The following ADGRB2 variants were observed in gnomAD, a reference collection of about 807,000 sequenced individuals.
ADGRB2 encodes brain-specific angiogenesis inhibitor 2.
In ADGRB2, 47 loss-of-function variants were observed where a neutral mutation model predicts 178.7. The observed-to-expected ratio is 0.26, with a 90% CI of 0.21 to 0.34. ADGRB2 has a LOEUF of 0.34. Ranked by LOEUF, ADGRB2 falls within the 10% of genes least tolerant of loss-of-function variation. The pLI is 1.00. For synonymous variants in ADGRB2, 870 were observed against 912.4 expected, an observed-to-expected ratio of 0.95 and a Z score of 0.84; for missense variants, 1,584 against 2,180.8, an observed-to-expected ratio of 0.73 and a Z score of 5.45.
In ADGRB2 at chr1:31,732,976, C is replaced by T. The variant is rs148580797; in HGVS notation, c.3620G>A (p.Arg1207Gln). 5.4e-5 allele frequency: 84 copies of T among 1,553,330 alleles called. No homozygotes were observed. The highest frequency in any genetic ancestry group is 6.3e-5 in the Non-Finnish European group (72 of 1,148,614). Residue 1207 changes from arginine to glutamine, a missense_variant, in exon 26 of 33, where the codon CGA becomes CAA. Arg to Gln is a conservative substitution (Grantham distance 43, BLOSUM62 1). This residue lies in a region of ADGRB2 where 865 missense variants were observed against 1,192.8 expected (regional missense o/e 0.73). Transcript: ENST00000373658. ...VITAVHCFLR[R>Q]EVQDVVKCQM... ...GCGGGAGAGGCCCAGCCCCACCTCT[C>T]GGCGCAGGAAGCAGTGCACAGCAGT...
intron 4 of ADGRB2, among the ~76,000 whole-genome samples, chr1:31,751,862 G>A (rs189928829): frequency 1.3e-5 from 2 of 152,088 alleles, no homozygotes; most frequent in East Asian, 1.9e-4. Flanking sequence ...GGTCACAGTC[G>A]TACCTATTAC....
In ADGRB2 at chr1:31,759,261, A is replaced by G. The variant is rs1646968279; in HGVS notation, c.-190-1750T>C. 1 of 778,236 alleles carries G rather than the reference A, an allele frequency of 1.3e-6. No individual in the cohort carries two copies. The highest frequency in any genetic ancestry group is 2.4e-6 in the Non-Finnish European group (1 of 417,026). The allele number at this position is 778,236 out of a possible 1,614,324, so 48.2% of individuals were successfully genotyped here. On this transcript the variant is annotated intron_variant, in intron 1 of 32. Coordinates refer to ENST00000373658, the MANE Select transcript of ADGRB2 (RefSeq NM_001364857.2). The surrounding 1 kb of genome is among the most constrained non-coding windows in gnomAD (Gnocchi z 4.3). ...AGTTAACACGCACACACAGGGGTGT[A>G]GAGGCTTACACTTGTACACATGCAC...
Position 31,757,464 on chromosome 1 carries a change from G to A in ADGRB2, c.-143C>T. 1 of 572,780 alleles carries A rather than the reference G, an allele frequency of 1.7e-6. No homozygotes were observed. Among genetic ancestry groups the A allele is most frequent in the South Asian group, 2.1e-5 (1 of 48,650 alleles). The allele number at this position is 572,780 out of a possible 1,614,324, so 35.5% of individuals were successfully genotyped here. The stretch of plus-strand genomic sequence containing the variant: ...CGCACAACCTGAGCCATGCCCACAG[G>A]AGGGCACTGTCAGTGTGGACGTCAC... On this transcript the variant is annotated 5_prime_UTR_variant, in exon 2 of 33. Coordinates refer to ENST00000373658, the MANE Select transcript of ADGRB2 (RefSeq NM_001364857.2).
intron 29 of ADGRB2, among the ~76,000 whole-genome samples, chr1:31,729,542 C>T (rs928593131): frequency 6.6e-6 from 1 of 152,258 alleles, no homozygotes; most frequent in Non-Finnish European, 1.5e-5. Flanking sequence ...CCAGCCACAT[C>T]TCTCTTTCTG....
chr1:31,747,947 G>A (rs1200733738), intron 4 of ADGRB2, among the ~76,000 whole-genome samples: 1 of 152,204 alleles, frequency 6.6e-6, no homozygotes, highest in East Asian at 1.9e-4. Flanking sequence ...CAAACACTTT[G>A]GAGGTGCAAA....
At chr1:31,734,974 C>T (rs958364371) in intron 25 of ADGRB2, among the ~76,000 whole-genome samples, 1 of 152,156 alleles carries the variant, frequency 6.6e-6, no homozygotes, top group Admixed American at 6.5e-5. Context: ...GCGAAGGAAC[C>T]GGGCACCTGT....
chr1:31,727,289 G>T lies in ADGRB2; in HGVS notation c.*131C>A. ...CATGTCCGGCTCCCCCAGCCTGGCT[G>T]AGTCCACGGCGCCTCCCTGCCCAGC... On this transcript the variant is annotated 3_prime_UTR_variant, in exon 33 of 33. Coordinates refer to ENST00000373658, the MANE Select transcript of ADGRB2 (RefSeq NM_001364857.2). This position sits in a 1 kb window ranked among gnomAD's most constrained non-coding sequence, Gnocchi z 4.4. The T allele has an allele frequency of 8.6e-7, 1 of 1,168,928 alleles. No homozygotes were observed. The highest frequency in any genetic ancestry group is 1.1e-6 in the Non-Finnish European group (1 of 873,536). The allele number at this position is 1,168,928 out of a possible 1,614,324, so 72.4% of individuals were successfully genotyped here.
chr1:31,744,625 GA>G lies in ADGRB2; in HGVS notation c.922+22del, dbSNP rs754636425. On this transcript the variant is annotated intron_variant, in intron 5 of 32. Coordinates refer to ENST00000373658, the MANE Select transcript of ADGRB2 (RefSeq NM_001364857.2). The surrounding 1 kb of genome is among the most constrained non-coding windows in gnomAD (Gnocchi z 6.7). ...ACACAGTCGGGCCCCCGCCGCAGAG[GA>G]AGGGAGGCGGGCCCGAGTTACCTGT... 225 of 1,612,630 alleles carry G rather than the reference GA, an allele frequency of 1.4e-4. No individual in the cohort carries two copies. Among genetic ancestry groups the G allele is most frequent in the Non-Finnish European group, 1.8e-4 (209 of 1,179,092 alleles).
Position 31,739,346 on chromosome 1 carries a change from T to C in ADGRB2, c.2457A>G (p.Val819=), listed in dbSNP as rs1464817026. Reference sequence around the variant, plus strand: ...GGATGAGGCCAAGGGTGCGGTAGAGTACAGCACCGATCACAAAGTAGGAGG... The same window carrying C: ...GGATGAGGCCAAGGGTGCGGTAGAGCACAGCACCGATCACAAAGTAGGAGG... ...DESSYFVIGA[V]LYRTLGLILP... is the part of the protein sequence containing the mutation. Residue 819 remains valine, a synonymous_variant, in exon 15 of 33, where the codon GTA becomes GTG. Coordinates refer to ENST00000373658, the MANE Select transcript of ADGRB2 (RefSeq NM_001364857.2). 1.3e-6 allele frequency: 2 copies of C among 1,491,986 alleles called. No individual in the cohort carries two copies. The highest frequency in any genetic ancestry group is 2.7e-5 in the South Asian group (2 of 73,198). The allele number at this position is 1,491,986 out of a possible 1,614,324, so 92.4% of individuals were successfully genotyped here. A position where few individuals can be genotyped will look rare whatever the true frequency, so the allele number is the denominator to read the frequency against.
At chr1:31,742,630 G>T (rs1432708861) in intron 7 of ADGRB2, among the ~76,000 whole-genome samples, 1 of 152,190 alleles carries the variant, frequency 6.6e-6, no homozygotes, top group African/African-American at 2.4e-5. Flanking sequence ...GCGTCACAGG[G>T]TACTAACTCA....
In ADGRB2 at chr1:31,739,637, T is replaced by C. The variant is rs766069725; in HGVS notation, c.2168-2A>G. Reference sequence around the variant, plus strand: ...CGGGCTCTCGCTGAATGCTGATCACTGCAGTGGGAGGAGGGTGGACAGAGA... The same window carrying C: ...CGGGCTCTCGCTGAATGCTGATCACCGCAGTGGGAGGAGGGTGGACAGAGA... On this transcript the variant is annotated splice_acceptor_variant, in intron 14 of 32. Coordinates refer to ENST00000373658, the MANE Select transcript of ADGRB2 (RefSeq NM_001364857.2). LOFTEE classifies it high-confidence loss of function. The C allele has an allele frequency of 6.3e-7, 1 of 1,574,848 alleles. No homozygotes were observed. Among genetic ancestry groups the C allele is most frequent in the South Asian group, 1.2e-5 (1 of 84,666 alleles).
At chr1:31,737,820 C>A in intron 18 of ADGRB2, 65 bp from the exon 19 acceptor site, 1 of 1,427,834 alleles carries the variant, frequency 7.0e-7, no homozygotes. Flanking sequence ...GGTGCCCTGT[C>A]CCCTCATCTA....
At chr1:31,760,004 C>T (rs994895349) in intron 1 of ADGRB2, among the ~76,000 whole-genome samples, 1 of 152,126 alleles carries the variant, frequency 6.6e-6, no homozygotes, top group African/African-American at 2.4e-5. Context: ...GCTCACAGCC[C>T]TGTCTCCTCT....
rs1646987251 is a variant in ADGRB2, at chr1:31,759,743, A to T, written c.-190-2232T>A. Among the ~76,000 whole-genome samples the T allele has an allele frequency of 6.6e-6, 1 of 152,184 alleles. No individual in the cohort carries two copies. The highest frequency in any genetic ancestry group is 1.5e-5 in the Non-Finnish European group (1 of 68,016). ...TCACAGACAGCCACTGGTTCATTGA[A>T]GACCCTCCTGCCTGTGTATAGCCAG... On this transcript the variant is annotated intron_variant, in intron 1 of 32. Transcript: ENST00000373658. The surrounding 1 kb of genome is among the most constrained non-coding windows in gnomAD (Gnocchi z 4.3).
rs1290565278 is a variant in ADGRB2, at chr1:31,740,848, G to A, written c.1795-307C>T. 6.6e-6 allele frequency among the ~76,000 whole-genome samples: 1 copy of A among 150,838 alleles called. No individual in the cohort carries two copies. The highest frequency in any genetic ancestry group is 6.6e-5 in the Admixed American group (1 of 15,190). On this transcript the variant is annotated intron_variant, in intron 11 of 32. Transcript: ENST00000373658. The surrounding 1 kb of genome is among the most constrained non-coding windows in gnomAD (Gnocchi z 5.9). Reference sequence around the variant, plus strand: ...ACAGGGTACCTCCCCATCCCAAAGGGGTCATGTACATTCTGGAGTGTAATG... The same window carrying A: ...ACAGGGTACCTCCCCATCCCAAAGGAGTCATGTACATTCTGGAGTGTAATG...
chr1:31,745,347 A>G (rs6425782), intron 4 of ADGRB2, among the ~76,000 whole-genome samples: 152,196 of 152,312 alleles, frequency 1, 76,040 homozygotes, highest in Middle Eastern at 1. Flanking sequence ...GGGGCCTAGG[A>G]CAAGTGCCCA....
At chr1:31,738,387 T>C in intron 17 of ADGRB2, 61 bp from the exon 18 acceptor site, 1 of 1,602,966 alleles carries the variant, frequency 6.2e-7, no homozygotes. Flanking sequence ...CCCCCAGTCC[T>C]GGCCACTGCC....
chr1:31,762,593 G>C (rs1355827045), intron 1 of ADGRB2, among the ~76,000 whole-genome samples: 2 of 152,152 alleles, frequency 1.3e-5, no homozygotes, highest in African/African-American at 4.8e-5. Context: ...TTGCTGCTGG[G>C]GTGAGCCCTC....
At chr1:31,739,848 G>C in intron 14 of ADGRB2, 78 bp downstream of exon 14, 2 of 1,370,412 alleles carry the variant, frequency 1.5e-6, no homozygotes, top group Non-Finnish European at 2.1e-6. Flanking sequence ...ATACAAATAC[G>C]GGGTTAGGTA....
Sources: allele counts gnomAD v4.1 joint callset (sites outside exome capture counted in the v4.1 genomes callset), GRCh38; gene constraint gnomAD v4.1.1; regional missense constraint gnomAD v4.1.1; non-coding constraint Gnocchi (gnomAD v3.1); transcripts MANE v1.5; gene names NCBI Gene and HGNC (gene_info 2026-07-23, HGNC 2026-07-21).